The following DNAH10 variants were observed in gnomAD, a reference collection of about 807,000 sequenced individuals.
The protein encoded by DNAH10 is dynein axonemal heavy chain 10.
In DNAH10, 348 loss-of-function variants were observed where a neutral mutation model predicts 506.6. The observed-to-expected ratio is 0.69, with a 90% CI of 0.63 to 0.75. DNAH10 has a LOEUF of 0.75. Ranked by LOEUF, DNAH10 falls within the 30% of genes least tolerant of loss-of-function variation. DNAH10 has a pLI of 0.00. For missense variants in DNAH10, 5,179 were observed against 5,787.1 expected, an observed-to-expected ratio of 0.89 and a Z score of 3.41; for synonymous variants, 2,059 against 2,198.6, an observed-to-expected ratio of 0.94 and a Z score of 1.78.
At position 123,813,155 on chromosome 12, in the gene DNAH10, C is replaced by T; in HGVS notation, c.3145-9C>T. 1 of 1,592,210 alleles carries T rather than the reference C, an allele frequency of 6.3e-7. No individual in the cohort carries two copies. Among genetic ancestry groups the T allele is most frequent in the Non-Finnish European group, 8.6e-7 (1 of 1,168,458 alleles). The stretch of plus-strand genomic sequence containing the variant: ...ATACTGTCTTTTCTCCTAATTCTTA[C>T]TTTGCCAGCATTTTGTTCGTTGGAT... On this transcript the variant is annotated splice_polypyrimidine_tract_variant and intron_variant, in intron 19 of 78. Transcript: ENST00000673944.
chr12:123,804,214 C>G (rs1958574386), intron 17 of DNAH10, among the ~76,000 whole-genome samples: 1 of 151,708 alleles, frequency 6.6e-6, no homozygotes, highest in Non-Finnish European at 1.5e-5. Flanking sequence ...TTTATGGGCT[C>G]ACATTTACTT....
chr12:123,851,647 C>T (rs943617873), intron 35 of DNAH10, among the ~76,000 whole-genome samples: 4 of 152,082 alleles, frequency 2.6e-5, no homozygotes, highest in African/African-American at 9.7e-5. Flanking sequence ...CAGGTGTAGA[C>T]GTTGTGTGGA....
At chr12:123,848,240 A>C in intron 33 of DNAH10, 145 bp downstream of exon 33, 1 of 1,257,308 alleles carries the variant, frequency 8.0e-7, no homozygotes, top group Non-Finnish European at 1.1e-6. Flanking sequence ...CCAGAACCTA[A>C]GTGTGTCTGC....
chr12:123,908,569 C>T (rs548333235), intron 57 of DNAH10: 7 of 456,108 alleles, frequency 1.5e-5, no homozygotes, highest in African/African-American at 1.2e-4. Context: ...GAGATGGGTT[C>T]GGTTCCTTCT....
At chr12:123,790,666 C>G (rs1958045122) in intron 11 of DNAH10, among the ~76,000 whole-genome samples, 1 of 152,014 alleles carries the variant, frequency 6.6e-6, no homozygotes, top group South Asian at 2.1e-4. Flanking sequence ...GCAGAGCAAA[C>G]AGAGGGGTTT....
At chr12:123,856,030 T>A (rs1367258048) in intron 36 of DNAH10, among the ~76,000 whole-genome samples, 1 of 143,598 alleles carries the variant, frequency 7.0e-6, no homozygotes, top group Non-Finnish European at 1.5e-5. Context: ...TATATGATCA[T>A]TATTAAATAT....
At chr12:123,888,374 T>G (rs1952832968) in intron 52 of DNAH10, among the ~76,000 whole-genome samples, 1 of 152,144 alleles carries the variant, frequency 6.6e-6, no homozygotes, top group Non-Finnish European at 1.5e-5. Context: ...GAACGAGACC[T>G]TTGTAAGAAA....
intron 1 of DNAH10, among the ~76,000 whole-genome samples, chr12:123,767,320 G>A (rs1344643354): frequency 6.6e-6 from 1 of 152,176 alleles, no homozygotes; most frequent in East Asian, 1.9e-4. Flanking sequence ...GTGCACCCAG[G>A]AGCCTCTTTC....
chr12:123,908,378 C>T (rs1312809993), intron 57 of DNAH10: 2 of 456,196 alleles, frequency 4.4e-6, no homozygotes, highest in Non-Finnish European at 4.4e-6. Context: ...CCTGCCTGGC[C>T]GCCCCCACAC....
At chr12:123,818,639 A>G (rs1250131954) in intron 21 of DNAH10, among the ~76,000 whole-genome samples, 1 of 151,852 alleles carries the variant, frequency 6.6e-6, no homozygotes, top group Non-Finnish European at 1.5e-5. Flanking sequence ...TTTCTTTTTA[A>G]AATTTCTTTT....
chr12:123,906,133 C>T (rs546845042), intron 57 of DNAH10, among the ~76,000 whole-genome samples: 3 of 152,068 alleles, frequency 2.0e-5, no homozygotes. Flanking sequence ...GGGGTTTCAC[C>T]ATGTTAGCCA....
At chr12:123,776,072 C>G (rs1306171269) in intron 5 of DNAH10, among the ~76,000 whole-genome samples, 1 of 152,142 alleles carries the variant, frequency 6.6e-6, no homozygotes, top group Non-Finnish European at 1.5e-5. Context: ...TGGGGGTAAC[C>G]TCCCCCATCA....
chr12:123,776,927 A>G (rs1286138645), intron 5 of DNAH10, among the ~76,000 whole-genome samples: 1 of 152,234 alleles, frequency 6.6e-6, no homozygotes, highest in Non-Finnish European at 1.5e-5. Context: ...TTAGACAGCA[A>G]CAAGAGTTAG....
Position 123,902,514 on chromosome 12 carries a change from G to C in DNAH10, c.9641-425G>C, listed in dbSNP as rs905788940. ...GAGAGAGAGGACGACAGAGGGGCAG[G>C]CTCCTTAGAGGGTGGCTCTGGCTGG... On this transcript the variant is annotated intron_variant, in intron 56 of 78. Coordinates refer to ENST00000673944, the MANE Select transcript of DNAH10 (RefSeq NM_001372106.1). This position sits in a 1 kb window ranked among gnomAD's most constrained non-coding sequence, Gnocchi z 4.5. Among the ~76,000 whole-genome samples the C allele has an allele frequency of 6.6e-6, 1 of 152,220 alleles. No individual in the cohort carries two copies. The highest frequency in any genetic ancestry group is 2.4e-5 in the African/African-American group (1 of 41,450).
intron 5 of DNAH10, among the ~76,000 whole-genome samples, chr12:123,780,073 C>G (rs183290777): frequency 8.2e-5 from 12 of 146,714 alleles, no homozygotes; most frequent in Admixed American, 7.7e-4. Flanking sequence ...TTTTCAAGAA[C>G]AAGATGGTCC....
At position 123,787,529 on chromosome 12, in the gene DNAH10, A is replaced by G. The variant is rs7962448; in HGVS notation, c.1422-275A>G. On this transcript the variant is annotated intron_variant, in intron 9 of 78. Coordinates refer to ENST00000673944, the MANE Select transcript of DNAH10 (RefSeq NM_001372106.1). This position sits in a 1 kb window ranked among gnomAD's most constrained non-coding sequence, Gnocchi z 4.6. ...TGACCTCTGGCCTGGGGCCAAGGCCACCTGCCCCTTCTGGTGTAGGGAGCG... is the reference window on the plus strand; with the variant it reads ...TGACCTCTGGCCTGGGGCCAAGGCCGCCTGCCCCTTCTGGTGTAGGGAGCG... Among the ~76,000 whole-genome samples the G allele has an allele frequency of 0.68, 103,453 of 152,200 alleles. 35,538 individuals are homozygous for G. The highest frequency in any genetic ancestry group is 0.94 in the East Asian group (4,893 of 5,180).
chr12:123,874,751 T>C (rs1952182122), intron 46 of DNAH10, among the ~76,000 whole-genome samples: 1 of 152,256 alleles, frequency 6.6e-6, no homozygotes, highest in African/African-American at 2.4e-5. Flanking sequence ...CTTGATGCTT[T>C]GTAAGCCCCT....
At position 123,787,971 on chromosome 12, in the gene DNAH10, C is replaced by T. The variant is rs1174614730; in HGVS notation, c.1589C>T (p.Thr530Ile). 4.4e-6 allele frequency: 7 copies of T among 1,583,890 alleles called. No individual in the cohort carries two copies. The South Asian group carries it at 4.6e-5, about 10-fold the overall frequency. Residue 530 changes from threonine (T) to isoleucine (I), a missense_variant, in exon 10 of 79, where the codon ACC becomes ATC. By Grantham distance (89) the Thr-to-Ile change is moderately conservative. This residue lies in a region of DNAH10 where 4,844 missense variants were observed against 5,430.5 expected (regional missense o/e 0.89). Transcript: ENST00000673944. This position sits in a 1 kb window ranked among gnomAD's most constrained non-coding sequence, Gnocchi z 4.6. ...RLFERTDYMA[T>I]ICQDLSDVLQ... ...TTCGAGAGGACGGATTATATGGCCA[C>T]CATCTGCCAGGACCTCTCCGACGTT...
chr12:123,931,718 T>C lies in DNAH10; in HGVS notation c.12999T>C (p.Phe4333=). 1 of 1,614,058 alleles carries C rather than the reference T, an allele frequency of 6.2e-7. No homozygotes were observed. Among genetic ancestry groups the C allele is most frequent in the Non-Finnish European group, 8.5e-7 (1 of 1,179,904 alleles). The change falls in exon 75 of 79, where the codon TTT becomes TTC. Residue 4333 remains phenylalanine, a synonymous_variant. Transcript: ENST00000673944. ...TAGAAAACAAGATGCCCAAAGTCTTTGACTTGGACCAGGTGAGGAAGCGCC... is the reference window on the plus strand; with the variant it reads ...TAGAAAACAAGATGCCCAAAGTCTTCGACTTGGACCAGGTGAGGAAGCGCC... ...KEIENKMPKV[F]DLDQVRKRLG... is the part of the protein sequence containing the mutation.
Sources: allele counts gnomAD v4.1 joint callset (sites outside exome capture counted in the v4.1 genomes callset), GRCh38; gene constraint gnomAD v4.1.1; regional missense constraint gnomAD v4.1.1; non-coding constraint Gnocchi (gnomAD v3.1); transcripts MANE v1.5; gene names NCBI Gene and HGNC (gene_info 2026-07-23, HGNC 2026-07-21).